Variants in TBX19 observed in about 807,000 individuals in gnomAD.
TBX19 encodes T-box transcription factor 19.
In TBX19, 33 loss-of-function variants were observed where a neutral mutation model predicts 40.9. The observed-to-expected ratio is 0.81, with a 90% CI of 0.61 to 1.08. The LOEUF (loss-of-function observed/expected upper bound fraction) is 1.08. Ranked by LOEUF, TBX19 falls within the 50% of genes least tolerant of loss-of-function variation. The pLI, the probability that TBX19 is intolerant of heterozygous loss-of-function variation, is 0.00. For synonymous variants in TBX19, 220 were observed against 225.0 expected (o/e 0.98, Z 0.20); for missense variants, 494 against 574.0 (o/e 0.86, Z 1.42).
At chr1:168,300,793 C>T (rs1649258337) in intron 5 of TBX19, among the ~76,000 whole-genome samples, 1 of 152,198 alleles carries the variant, frequency 6.6e-6, no homozygotes, top group East Asian at 1.9e-4. Flanking sequence ...CGGCTTGCCT[C>T]CTAACGTTAT....
chr1:168,311,273 G>A (rs1451094342), intron 7 of TBX19, among the ~76,000 whole-genome samples: 2 of 151,838 alleles, frequency 1.3e-5, no homozygotes, highest in African/African-American at 4.8e-5. Flanking sequence ...CAACTATAAG[G>A]CAGGTATTAA....
chr1:168,304,907 T>C (rs1453411036), intron 5 of TBX19, 101 bp from the exon 6 acceptor site: 1 of 1,208,246 alleles, frequency 8.3e-7, no homozygotes, highest in Admixed American at 1.8e-5. Context: ...GGCATCAGTG[T>C]CATTTACAAG....
intron 4 of TBX19, among the ~76,000 whole-genome samples, chr1:168,298,665 C>A (rs1311122423): frequency 1.4e-5 from 2 of 142,814 alleles, no homozygotes; most frequent in African/African-American, 5.2e-5. Flanking sequence ...CCTTCTTTTC[C>A]TTCCTTCCTT....
At chr1:168,290,312 G>A (rs772531841) in intron 1 of TBX19, among the ~76,000 whole-genome samples, 9 of 152,186 alleles carry the variant, frequency 5.9e-5, no homozygotes, top group Non-Finnish European at 7.3e-5. Context: ...AAGAAGGATC[G>A]ATGAATCTAG....
chr1:168,285,175 C>T (rs1275518831), intron 1 of TBX19, among the ~76,000 whole-genome samples: 2 of 151,380 alleles, frequency 1.3e-5, no homozygotes, highest in African/African-American at 2.4e-5. Flanking sequence ...TTTTTCCCTT[C>T]GTTTATTTAT....
intron 4 of TBX19, among the ~76,000 whole-genome samples, chr1:168,299,795 A>T (rs1030947891): frequency 6.6e-6 from 1 of 152,194 alleles, no homozygotes; most frequent in African/African-American, 2.4e-5. Context: ...ATAAATTATG[A>T]TGATATACAA....
intron 7 of TBX19, among the ~76,000 whole-genome samples, chr1:168,310,984 T>C (rs1649508223): frequency 6.6e-6 from 1 of 151,106 alleles, no homozygotes; most frequent in Non-Finnish European, 1.5e-5. Flanking sequence ...TATTAATAAA[T>C]TAATTTTTTT....
Position 168,291,320 on chromosome 1 carries a change from G to A in TBX19, c.364G>A (p.Val122Ile), listed in dbSNP as rs760248250. ...GCCAGAGGTCTCCAGCCACAGCTGC[G>A]TCTACATTCACCCGGACTCCCCCAA... ...GKPEVSSHSC[V>I]YIHPDSPNFG... Residue 122 changes from valine (V) to isoleucine (I), a missense_variant, in exon 2 of 8, where the codon GTC (valine) becomes ATC (isoleucine). Physicochemically the swap from Val to Ile is conservative, Grantham distance 29. Around this residue, in one of 3 missense-constraint regions of TBX19, gnomAD observed 201 missense variants for 235.2 expected, o/e 0.85. Coordinates refer to ENST00000367821, the MANE Select transcript of TBX19 (RefSeq NM_005149.3). The A allele has an allele frequency of 9.3e-6, 15 of 1,614,108 alleles. No homozygotes were observed. The highest frequency in any genetic ancestry group is 1.6e-4 in the Middle Eastern group (1 of 6,084).
rs1279665645 is a variant in TBX19 at position 168,313,035 on chromosome 1, C to T, written c.*33C>T. Reference sequence around the variant, plus strand: ...CCTAGGAGCCTCTTTGCACAGCGATCCTTCCATGTGTAGAGTGCTTAGAAA... The same window carrying T: ...CCTAGGAGCCTCTTTGCACAGCGATTCTTCCATGTGTAGAGTGCTTAGAAA... On this transcript the variant is annotated 3_prime_UTR_variant, in exon 8 of 8. Coordinates refer to ENST00000367821, the MANE Select transcript of TBX19 (RefSeq NM_005149.3). 1.2e-6 allele frequency: 2 copies of T among 1,612,980 alleles called. No homozygotes were observed. The highest frequency in any genetic ancestry group is 1.7e-6 in the Non-Finnish European group (2 of 1,179,250).
At chr1:168,302,009 C>T (rs1442746692) in intron 5 of TBX19, among the ~76,000 whole-genome samples, 2 of 152,168 alleles carry the variant, frequency 1.3e-5, no homozygotes, top group African/African-American at 4.8e-5. Flanking sequence ...TTTATCACTT[C>T]CCCCTCAGTT....
intron 7 of TBX19, among the ~76,000 whole-genome samples, chr1:168,312,433 A>C (rs1649547574): frequency 6.6e-6 from 1 of 152,208 alleles, no homozygotes; most frequent in African/African-American, 2.4e-5. Flanking sequence ...GGGAGCCCAG[A>C]TAAATGAAAT....
rs772611069 is a variant in TBX19 at position 168,312,710 on chromosome 1, C to T, written c.1055C>T (p.Pro352Leu). 1 of 1,612,144 alleles carries T rather than the reference C, an allele frequency of 6.2e-7. No homozygotes were observed. Among genetic ancestry groups the T allele is most frequent in the South Asian group, 1.1e-5 (1 of 91,086 alleles). ...CCCCTCTTTCTCTGTCTCTGCAGCC[C>T]CTACCCGTGCCTGTGGACCATCAGC... ...TNGPINPGPS[P>L]YPCLWTISNG... The change falls in exon 8 of 8, where the codon CCC (proline) becomes CTC (leucine). Residue 352 changes from proline (P) to leucine (L), a missense_variant and splice_region_variant. This residue lies in a region of TBX19 where 284 missense variants were observed against 307.3 expected (regional missense o/e 0.92). Coordinates refer to ENST00000367821, the MANE Select transcript of TBX19 (RefSeq NM_005149.3).
At chr1:168,307,695 A>G (rs1325380162) in intron 6 of TBX19, among the ~76,000 whole-genome samples, 2 of 151,550 alleles carry the variant, frequency 1.3e-5, no homozygotes, top group African/African-American at 2.4e-5. Context: ...TATACTATTT[A>G]TGCAAATAGA....
chr1:168,312,912 C>T lies in TBX19; in HGVS notation c.1257C>T (p.Ser419=), dbSNP rs1286781798. The part of the protein sequence containing the change: ...GEPSLTSIAV[S]TWTAVASHPF... ...CCTCGCTAACCAGCATTGCTGTGTCCACCTGGACAGCAGTGGCCTCGCATC... is the reference window on the plus strand; with the variant it reads ...CCTCGCTAACCAGCATTGCTGTGTCTACCTGGACAGCAGTGGCCTCGCATC... The change falls in exon 8 of 8, where the codon TCC becomes TCT. Residue 419 remains serine (S), a synonymous_variant. Coordinates refer to ENST00000367821, the MANE Select transcript of TBX19 (RefSeq NM_005149.3). 1.9e-6 allele frequency: 3 copies of T among 1,614,122 alleles called. No individual in the cohort carries two copies. The highest frequency in any genetic ancestry group is 2.7e-5 in the African/African-American group (2 of 74,944).
intron 5 of TBX19, 95 bp downstream of exon 5, chr1:168,300,578 A>G: frequency 8.5e-7 from 1 of 1,175,798 alleles, no homozygotes; most frequent in Non-Finnish European, 1.3e-6. Context: ...GGACTGCTTA[A>G]GGACTTCCAA....
intron 1 of TBX19, among the ~76,000 whole-genome samples, chr1:168,289,224 C>T (rs925130737): frequency 2.0e-5 from 3 of 152,100 alleles, no homozygotes; most frequent in Non-Finnish European, 2.9e-5. Flanking sequence ...TCTTTGCAAA[C>T]GGCATTTGTG....
intron 2 of TBX19, among the ~76,000 whole-genome samples, chr1:168,292,023 A>G (rs1366162601): frequency 2.0e-5 from 3 of 152,158 alleles, no homozygotes; most frequent in Non-Finnish European, 2.9e-5. Context: ...TGTGAATACT[A>G]GTCTGCTATA....
At chr1:168,303,563 G>A (rs1360798631) in intron 5 of TBX19, among the ~76,000 whole-genome samples, 1 of 152,148 alleles carries the variant, frequency 6.6e-6, no homozygotes, top group African/African-American at 2.4e-5. Flanking sequence ...AGAATTCAGG[G>A]CAAGTCCACA....
At chr1:168,294,557 A>G (rs1253928413) in intron 3 of TBX19, among the ~76,000 whole-genome samples, 1 of 151,724 alleles carries the variant, frequency 6.6e-6, no homozygotes, top group Non-Finnish European at 1.5e-5. Context: ...GCTGGAGTGC[A>G]GTGGTGTGAT....
Sources: allele counts gnomAD v4.1 joint callset (sites outside exome capture counted in the v4.1 genomes callset), GRCh38; gene constraint gnomAD v4.1.1; regional missense constraint gnomAD v4.1.1; transcripts MANE v1.5; gene names NCBI Gene and HGNC (gene_info 2026-07-23, HGNC 2026-07-21).